SORBS2: variants seen among roughly 807,000 people sequenced by gnomAD.
The protein encoded by SORBS2 is sorbin and SH3 domain containing 2, also known as sorbin and SH3 domain-containing protein 2.
Under a neutral mutation model 97.7 loss-of-function variants are expected in SORBS2, and 46 were observed. That is an observed-to-expected ratio of 0.47 (90% CI 0.37 to 0.60). The LOEUF is 0.60. Ranked by LOEUF, SORBS2 falls within the 20% of genes least tolerant of loss-of-function variation. SORBS2 has a pLI of 0.00. For missense variants in SORBS2, 1,316 were observed against 1,282.3 expected (o/e 1.03, Z -0.40); for synonymous variants, 476 against 473.4 (o/e 1.01, Z -0.07).
chr4:185,874,728 T>G (rs562917198), intron 1 of SORBS2, among the ~76,000 whole-genome samples: 1 of 151,802 alleles, frequency 6.6e-6, no homozygotes, highest in Non-Finnish European at 1.5e-5. Flanking sequence ...GTTCAGTTAC[T>G]TGCTGACACT....
chr4:185,871,407 A>G (rs2099230352), intron 1 of SORBS2, among the ~76,000 whole-genome samples: 1 of 152,238 alleles, frequency 6.6e-6, no homozygotes, highest in African/African-American at 2.4e-5. Context: ...TACAAGTGCT[A>G]TGAGGAATGC....
chr4:185,839,411 T>A (rs78033366), intron 1 of SORBS2, among the ~76,000 whole-genome samples: 1 of 152,176 alleles, frequency 6.6e-6, no homozygotes, highest in Non-Finnish European at 1.5e-5. Flanking sequence ...ATTTCCTTAC[T>A]GCAGTTCTGA....
At chr4:185,673,177 T>A (rs2097741888) in intron 4 of SORBS2, among the ~76,000 whole-genome samples, 1 of 152,164 alleles carries the variant, frequency 6.6e-6, no homozygotes, top group Non-Finnish European at 1.5e-5. Context: ...GGAAGGGGGA[T>A]ATGAGTTGCT....
In SORBS2 at chr4:185,721,954, T is replaced by C. The variant is rs370437573; in HGVS notation, c.-197-43132A>G. On this transcript the variant is annotated intron_variant, in intron 2 of 20. Transcript: ENST00000284776. Reference sequence around the variant, plus strand: ...TTTCCAAAACAACCTTCTCAATATGTAGCAAAATGTAGTCAAGGAAGAAAA... The same window carrying C: ...TTTCCAAAACAACCTTCTCAATATGCAGCAAAATGTAGTCAAGGAAGAAAA... 6.5e-4 allele frequency among the ~76,000 whole-genome samples: 99 copies of C among 152,292 alleles called. No individual in the cohort carries two copies. The Middle Eastern group carries it at 0.014, about 21-fold the overall frequency.
At chr4:185,662,378 A>T in intron 4 of SORBS2, 136 bp from the exon 8 acceptor site, 2 of 836,984 alleles carry the variant, frequency 2.4e-6, no homozygotes, top group East Asian at 5.4e-5. Flanking sequence ...TTGAAAACTG[A>T]TGTCAGAGGG....
At chr4:185,869,264 G>C (rs2099229037) in intron 1 of SORBS2, among the ~76,000 whole-genome samples, 1 of 152,102 alleles carries the variant, frequency 6.6e-6, no homozygotes, top group Admixed American at 6.5e-5. Flanking sequence ...TGACTCACTG[G>C]AGAACTGCAT....
intron 2 of SORBS2, chr4:185,761,718 G>A (rs1197706309): frequency 6.6e-6 from 1 of 152,230 alleles, no homozygotes; most frequent in Non-Finnish European, 1.5e-5. Context: ...GGTGTTTTGA[G>A]GTTAGTAGCA....
chr4:185,830,137 G>A (rs902770427), intron 1 of SORBS2, among the ~76,000 whole-genome samples: 6 of 152,016 alleles, frequency 3.9e-5, no homozygotes, highest in Admixed American at 6.6e-5. Context: ...CAAGTCAAAC[G>A]GTGACTTCTT....
chr4:185,841,074 A>T (rs112663903), intron 1 of SORBS2, among the ~76,000 whole-genome samples: 172 of 151,442 alleles, frequency 1.1e-3, no homozygotes, highest in African/African-American at 4.1e-3. Flanking sequence ...CAAAGCAAAG[A>T]GGTCAACAAA....
At chr4:185,641,116 T>TA (rs1174973730) in intron 4 of SORBS2, among the ~76,000 whole-genome samples, 2 of 141,552 alleles carry the variant, frequency 1.4e-5, no homozygotes, top group Admixed American at 6.8e-5. Context: ...AGTCCTGATT[T>TA]ATAGTAATGC....
chr4:185,690,629 TGCATAATTGTTCACTA>T lies in SORBS2; in HGVS notation c.-197-11823_-197-11808del, dbSNP rs1257488935. On this transcript the variant is annotated intron_variant, in intron 2 of 20. Coordinates refer to the SORBS2 transcript ENST00000284776. ...CAGTTTTCCTGTAGGAAAAAAATGG[TGCATAATTGTTCACTA>T]GCATGTGGAAGAAAATATCATGAAA... 7 of 1,190,488 alleles carry T rather than the reference TGCATAATTGTTCACTA, an allele frequency of 5.9e-6. No homozygotes were observed. The highest frequency in any genetic ancestry group is 2.3e-5 in the Admixed American group (1 of 43,198). 73.7% of individuals were successfully genotyped at this position (1,190,488 alleles called of 1,614,324 possible).
intron 1 of SORBS2, among the ~76,000 whole-genome samples, chr4:185,815,590 A>G (rs1343459553): frequency 6.6e-6 from 1 of 152,180 alleles, no homozygotes; most frequent in African/African-American, 2.4e-5. Flanking sequence ...TTTCAAACAA[A>G]TATATTATCA....
chr4:185,663,162 G>A (rs191244909), intron 4 of SORBS2, among the ~76,000 whole-genome samples: 186 of 152,254 alleles, frequency 1.2e-3, no homozygotes, highest in African/African-American at 4.3e-3. Context: ...ATGCAAATAA[G>A]ATCAAACATT....
At chr4:185,897,856 G>A (rs796174850) in intron 1 of SORBS2, among the ~76,000 whole-genome samples, 12 of 151,642 alleles carry the variant, frequency 7.9e-5, no homozygotes, top group African/African-American at 2.7e-4. Context: ...GGCCAACATG[G>A]TGAAACCCTG....
chr4:185,831,529 C>A (rs982928260), intron 1 of SORBS2, among the ~76,000 whole-genome samples: 1 of 152,286 alleles, frequency 6.6e-6, no homozygotes, highest in East Asian at 1.9e-4. Flanking sequence ...AAAGGAATAA[C>A]AAATGGATAG....
intron 1 of SORBS2, among the ~76,000 whole-genome samples, chr4:185,868,328 T>C (rs1358439389): frequency 6.6e-6 from 1 of 151,670 alleles, no homozygotes; most frequent in Non-Finnish European, 1.5e-5. Flanking sequence ...AGCTAATTTT[T>C]TGTATTTTCA....
intron 1 of SORBS2, among the ~76,000 whole-genome samples, chr4:185,900,929 T>C (rs1481063591): frequency 6.6e-6 from 1 of 152,200 alleles, no homozygotes; most frequent in Non-Finnish European, 1.5e-5. Flanking sequence ...TAAAACATTG[T>C]TTATGGACAG....
At chr4:185,887,797 A>G (rs1489529944) in intron 1 of SORBS2, among the ~76,000 whole-genome samples, 1 of 152,174 alleles carries the variant, frequency 6.6e-6, no homozygotes, top group Non-Finnish European at 1.5e-5. Context: ...AGAGTTATTA[A>G]GAAGATGGGG....
intron 1 of SORBS2, among the ~76,000 whole-genome samples, chr4:185,879,192 C>G (rs1430676808): frequency 7.2e-6 from 1 of 138,206 alleles, no homozygotes; most frequent in Non-Finnish European, 1.5e-5. Flanking sequence ...ACGACAGGCC[C>G]CGGTGTGTGA....
Sources: gnomAD v4.1 joint callset for allele counts (sites outside exome capture counted in the v4.1 genomes callset) on GRCh38, gnomAD v4.1.1 for gene constraint, MANE v1.5 for transcripts, NCBI Gene and HGNC (gene_info 2026-07-23, HGNC 2026-07-21) for gene names.